Variants in TEC observed in about 807,000 individuals in gnomAD.
TEC encodes tec protein tyrosine kinase.
A neutral mutation model predicts 93.0 loss-of-function variants in TEC; 72 were observed. That is an observed-to-expected ratio of 0.77 (90% confidence interval 0.64 to 0.94). TEC has a LOEUF of 0.94. Ranked by LOEUF, TEC falls within the 40% of genes least tolerant of loss-of-function variation. The pLI is 0.00. For synonymous variants in TEC, 249 were observed against 247.7 expected (o/e 1.01, Z -0.05); for missense variants, 630 against 757.9 (o/e 0.83, Z 1.98).
In TEC at chr4:48,168,836, C is replaced by T. The variant is rs1001961160; in HGVS notation, c.455-210G>A. 4.6e-5 allele frequency among the ~76,000 whole-genome samples: 7 copies of T among 152,148 alleles called. No individual in the cohort carries two copies. In the East Asian group the frequency reaches 5.8e-4, roughly 13 times the overall value. On this transcript the variant is annotated intron_variant, in intron 5 of 17. Coordinates refer to ENST00000381501, the MANE Select transcript of TEC (RefSeq NM_003215.3). Reference sequence around the variant, plus strand: ...TGGTTTGTATTTCTGCCTTTCTGAACGCACAATAAATGCCACAGGGATTGA... The same window carrying T: ...TGGTTTGTATTTCTGCCTTTCTGAATGCACAATAAATGCCACAGGGATTGA...
At chr4:48,186,994 G>C (rs918238052) in intron 2 of TEC, among the ~76,000 whole-genome samples, 1 of 152,244 alleles carries the variant, frequency 6.6e-6, no homozygotes. Context: ...ATAGAAAAGG[G>C]GGAAATGTGG....
chr4:48,146,183 A>C, intron 12 of TEC, 142 bp downstream of exon 12: 3 of 665,610 alleles, frequency 4.5e-6, no homozygotes, highest in South Asian at 4.6e-5. Context: ...CTATGGTCTT[A>C]AGTATAATTA....
chr4:48,258,113 G>A (rs1724392181), intron 1 of TEC, among the ~76,000 whole-genome samples: 2 of 150,404 alleles, frequency 1.3e-5, no homozygotes, highest in African/African-American at 2.4e-5. Flanking sequence ...TGTACAGATC[G>A]ATTCATTTTA....
At chr4:48,235,038 A>AT (rs1397163836) in intron 1 of TEC, among the ~76,000 whole-genome samples, 3 of 152,052 alleles carry the variant, frequency 2.0e-5, no homozygotes, top group African/African-American at 7.2e-5. Context: ...AGAACCATGG[A>AT]TTTTATAAGG....
chr4:48,266,477 A>G (rs1186353374), intron 1 of TEC, among the ~76,000 whole-genome samples: 1 of 152,234 alleles, frequency 6.6e-6, no homozygotes, highest in Non-Finnish European at 1.5e-5. Context: ...AAACTGGCCA[A>G]GAGCTGTGGG....
At chr4:48,141,485 G>C (rs1462309203) in intron 14 of TEC, 66 bp from the exon 15 acceptor site, 8 of 1,463,938 alleles carry the variant, frequency 5.5e-6, no homozygotes, top group Non-Finnish European at 7.6e-6. Context: ...GAAAATGTAA[G>C]TTCTATTTAT....
Position 48,146,551 on chromosome 4 carries a change from TC to T in TEC, c.1007-153del, listed in dbSNP as rs1275002643. On this transcript the variant is annotated intron_variant, in intron 11 of 17. Coordinates refer to ENST00000381501, the MANE Select transcript of TEC (RefSeq NM_003215.3). ...ACAGCACTCTGCTATATGCTTTTAT[TC>T]ATTCAACAAACATTTTCTTTTAAAT... The T allele has an allele frequency of 3.4e-4, 211 of 619,582 alleles. 1 individual carries two copies. The highest frequency in any genetic ancestry group is 1.5e-4 in the Non-Finnish European group (53 of 360,490). The allele number at this position is 619,582 out of a possible 1,614,324, so 38.4% of individuals were successfully genotyped here.
At position 48,139,001 on chromosome 4, in the gene TEC, G is replaced by A; in HGVS notation, c.1557C>T (p.Tyr519=). 6.2e-7 allele frequency: 1 copy of A among 1,614,154 alleles called. No individual in the cohort carries two copies. The highest frequency in any genetic ancestry group is 8.5e-7 in the Non-Finnish European group (1 of 1,179,982). ...GMARYVLDDQ[Y]TSSSGAKFPV... ...GAAACTTAGCACCAGAAGAACTTGT[G>A]TACTGATCATCCAGAACATACCTAG... The change falls in exon 16 of 18, where the codon TAC becomes TAT. Residue 519 remains tyrosine (Y), a synonymous_variant. Transcript: ENST00000381501.
At chr4:48,160,075 C>T (rs1302172006) in intron 8 of TEC, among the ~76,000 whole-genome samples, 5 of 152,174 alleles carry the variant, frequency 3.3e-5, no homozygotes, top group African/African-American at 9.7e-5. Context: ...CATTTATTAC[C>T]TCATTTCATC....
At chr4:48,188,933 A>G (rs551971164) in intron 2 of TEC, among the ~76,000 whole-genome samples, 16 of 152,318 alleles carry the variant, frequency 1.1e-4, no homozygotes, top group Middle Eastern at 3.4e-3. Flanking sequence ...ATTGCCAGGA[A>G]AAAGATCAGT....
chr4:48,260,027 G>A (rs1318659406), intron 1 of TEC, among the ~76,000 whole-genome samples: 4 of 152,128 alleles, frequency 2.6e-5, no homozygotes, highest in South Asian at 2.1e-4. Context: ...CTGATCCTTG[G>A]AAAGTTTTCC....
intron 17 of TEC, 118 bp downstream of exon 17, chr4:48,138,547 G>T: frequency 8.3e-7 from 1 of 1,211,708 alleles, no homozygotes; most frequent in South Asian, 1.6e-5. Context: ...TTCCTACCTA[G>T]AGCTTGAAAT....
chr4:48,265,890 T>C (rs1360043520), intron 1 of TEC, among the ~76,000 whole-genome samples: 1 of 152,088 alleles, frequency 6.6e-6, no homozygotes, highest in Non-Finnish European at 1.5e-5. Context: ...ACACAATGCA[T>C]GAAAACAGAC....
chr4:48,199,595 T>TC (rs1306850402), intron 2 of TEC, among the ~76,000 whole-genome samples: 3 of 146,516 alleles, frequency 2.0e-5, no homozygotes, highest in African/African-American at 7.5e-5. Context: ...GCGTCCCGAG[T>TC]AGCTGGGACT....
intron 8 of TEC, 45 bp from the exon 9 acceptor site, chr4:48,156,779 T>C (rs761160103): frequency 1.0e-5 from 15 of 1,495,126 alleles, no homozygotes; most frequent in Non-Finnish European, 1.4e-5. Context: ...GTTTTTAGGA[T>C]ATATTTTATT....
At chr4:48,177,005 A>C (rs1009672702) in intron 2 of TEC, among the ~76,000 whole-genome samples, 2 of 152,164 alleles carry the variant, frequency 1.3e-5, no homozygotes, top group Non-Finnish European at 2.9e-5. Flanking sequence ...TTCCATTCAG[A>C]GTCTATTATT....
intron 11 of TEC, among the ~76,000 whole-genome samples, chr4:48,148,394 T>C (rs1008958870): frequency 6.6e-6 from 1 of 152,218 alleles, no homozygotes; most frequent in African/African-American, 2.4e-5. Flanking sequence ...CCCAGTTACA[T>C]TTTTAAAGTC....
intron 3 of TEC, among the ~76,000 whole-genome samples, chr4:48,172,975 A>G (rs944155653): frequency 1.3e-5 from 2 of 152,202 alleles, no homozygotes; most frequent in African/African-American, 4.8e-5. Context: ...GTGTATTGTA[A>G]TAACAATTTA....
intron 2 of TEC, among the ~76,000 whole-genome samples, chr4:48,192,017 C>T (rs888687696): frequency 2.6e-5 from 4 of 152,130 alleles, no homozygotes; most frequent in African/African-American, 9.7e-5. Flanking sequence ...GCACTAAGCA[C>T]AAAAGGCATG....
Sources: allele counts gnomAD v4.1 joint callset (sites outside exome capture counted in the v4.1 genomes callset), GRCh38; gene constraint gnomAD v4.1.1; transcripts MANE v1.5; gene names NCBI Gene and HGNC (gene_info 2026-07-23, HGNC 2026-07-21).